HS3ST5: variants seen among roughly 807,000 people sequenced by gnomAD.
HS3ST5 encodes the protein heparan sulfate glucosamine 3-O-sulfotransferase 5.
A neutral mutation model predicts 25.4 loss-of-function variants in HS3ST5; 10 were observed. The observed-to-expected ratio is 0.39, with a 90% CI of 0.24 to 0.67. HS3ST5 has a LOEUF of 0.67. Ranked by LOEUF, HS3ST5 falls within the 30% of genes least tolerant of loss-of-function variation. The pLI is 0.44. For missense variants in HS3ST5, 324 were observed against 420.7 expected (o/e 0.77, Z 2.01); for synonymous variants, 170 against 162.4 (o/e 1.05, Z -0.36).
intron 1 of HS3ST5, among the ~76,000 whole-genome samples, chr6:114,318,798 T>C (rs1419066079): frequency 6.6e-6 from 1 of 152,232 alleles, no homozygotes; most frequent in Non-Finnish European, 1.5e-5. Flanking sequence ...CAAGTTGTTA[T>C]GAAGACTAAC....
chr6:114,220,087 T>G (rs532403811), intron 2 of HS3ST5, among the ~76,000 whole-genome samples: 1 of 152,058 alleles, frequency 6.6e-6, no homozygotes, highest in South Asian at 2.1e-4. Flanking sequence ...TTAAATTATA[T>G]TGGTTTAATA....
intron 3 of HS3ST5, among the ~76,000 whole-genome samples, chr6:114,071,622 A>C (rs1773831782): frequency 6.6e-6 from 1 of 152,208 alleles, no homozygotes; most frequent in Admixed American, 6.5e-5. Flanking sequence ...TAATTCAATC[A>C]GTTAGATGAA....
intron 1 of HS3ST5, among the ~76,000 whole-genome samples, chr6:114,300,353 C>T (rs183033332): frequency 2.6e-5 from 4 of 152,154 alleles, no homozygotes; most frequent in Non-Finnish European, 4.4e-5. Context: ...TTTGAATAGA[C>T]ATTTTCTCCA....
rs546430370 is a variant in HS3ST5 at position 114,308,243 on chromosome 6, T to A, written c.-339+33952A>T. On this transcript the variant is annotated intron_variant, in intron 1 of 4. Transcript: ENST00000312719. ...ATAAGTCTCTTAAACTTAATATTCT[T>A]GTACTTATTTGACCCTCCTACATAG... Among the ~76,000 whole-genome samples the A allele has an allele frequency of 2.0e-5, 3 of 152,336 alleles. No homozygotes were observed. In the South Asian group the frequency reaches 6.2e-4, roughly 32 times the overall value.
At chr6:114,062,921 G>A in intron 3 of HS3ST5, 44 bp from the exon 4 acceptor site, 2 of 1,173,504 alleles carry the variant, frequency 1.7e-6, no homozygotes, top group East Asian at 2.4e-5. Context: ...TAGAGGCTCT[G>A]TTGGTTGTCA....
chr6:114,244,178 G>A (rs1772275140), intron 1 of HS3ST5, among the ~76,000 whole-genome samples: 1 of 152,178 alleles, frequency 6.6e-6, no homozygotes, highest in Non-Finnish European at 1.5e-5. Flanking sequence ...TACAAGACTG[G>A]AAACTGTAGG....
chr6:114,312,568 A>T, intron 1 of HS3ST5, among the ~76,000 whole-genome samples: 1 of 152,196 alleles, frequency 6.6e-6, no homozygotes, highest in Non-Finnish European at 1.5e-5. Context: ...GGTCTTCAAA[A>T]GATATTAGAA....
intron 4 of HS3ST5, chr6:114,058,759 A>C (rs1772922757): frequency 6.5e-6 from 1 of 153,506 alleles, no homozygotes; most frequent in African/African-American, 2.4e-5. Flanking sequence ...TGAGATTTTC[A>C]TTCTGAGACT....
intron 3 of HS3ST5, among the ~76,000 whole-genome samples, chr6:114,102,780 T>A (rs1163415655): frequency 6.6e-6 from 1 of 152,180 alleles, no homozygotes; most frequent in African/African-American, 2.4e-5. Flanking sequence ...AAGTTTAAAA[T>A]CTGGCTTTTT....
At chr6:114,243,460 C>T (rs1455998287) in intron 1 of HS3ST5, among the ~76,000 whole-genome samples, 1 of 152,178 alleles carries the variant, frequency 6.6e-6, no homozygotes, top group East Asian at 1.9e-4. Flanking sequence ...TGGACAAATT[C>T]AACCTACAAG....
chr6:114,183,239 G>A (rs1780050273), intron 2 of HS3ST5, among the ~76,000 whole-genome samples: 1 of 152,126 alleles, frequency 6.6e-6, no homozygotes, highest in African/African-American at 2.4e-5. Context: ...CACAGTGGGA[G>A]CTAATTGAAC....
intron 2 of HS3ST5, among the ~76,000 whole-genome samples, chr6:114,214,132 A>G (rs761551560): frequency 1.3e-5 from 2 of 152,190 alleles, no homozygotes; most frequent in African/African-American, 2.4e-5. Flanking sequence ...CAAACATCCA[A>G]AGATAGTCAT....
intron 2 of HS3ST5, among the ~76,000 whole-genome samples, chr6:114,204,294 T>G (rs2114389618): frequency 6.6e-6 from 1 of 152,300 alleles, no homozygotes; most frequent in South Asian, 2.1e-4. Context: ...CTTCTTCAGT[T>G]CAGCATGTCA....
At chr6:114,329,164 C>A (rs138069409) in intron 1 of HS3ST5, among the ~76,000 whole-genome samples, 2 of 152,124 alleles carry the variant, frequency 1.3e-5, no homozygotes, top group African/African-American at 4.8e-5. Flanking sequence ...TAATTGCTGG[C>A]AAATTTGATT....
chr6:114,162,524 T>A (rs1158056239), intron 3 of HS3ST5, among the ~76,000 whole-genome samples: 1 of 152,196 alleles, frequency 6.6e-6, no homozygotes, highest in Non-Finnish European at 1.5e-5. Flanking sequence ...GCCAGATTAA[T>A]CTTTTTTAAA....
At chr6:114,238,258 T>C (rs574341181) in intron 1 of HS3ST5, among the ~76,000 whole-genome samples, 1 of 152,314 alleles carries the variant, frequency 6.6e-6, no homozygotes, top group Non-Finnish European at 1.5e-5. Flanking sequence ...TTGGTGGCTC[T>C]TGCTTTTCTA....
intron 1 of HS3ST5, among the ~76,000 whole-genome samples, chr6:114,339,477 T>TA (rs1296731979): frequency 1.7e-4 from 25 of 150,046 alleles, no homozygotes; most frequent in Admixed American, 1.6e-3. Context: ...ATTGCTTTTT[T>TA]AAAAAACGTT....
intron 3 of HS3ST5, among the ~76,000 whole-genome samples, chr6:114,096,219 G>A (rs143856992): frequency 9.5e-4 from 144 of 152,206 alleles, no homozygotes; most frequent in African/African-American, 3.3e-3. Flanking sequence ...CCTTGAGCCC[G>A]TCATCAAATC....
Position 114,202,994 on chromosome 6 carries a change from C to T in HS3ST5, c.-145+25591G>A, listed in dbSNP as rs1217216469. On this transcript the variant is annotated intron_variant, in intron 2 of 4. Coordinates refer to ENST00000312719, the MANE Select transcript of HS3ST5 (RefSeq NM_153612.4). ...AAAAACAGAATAGTTGAGGCATGGCCAACTCTCTTGTTTTGTAATCAGAAC... is the reference window on the plus strand; with the variant it reads ...AAAAACAGAATAGTTGAGGCATGGCTAACTCTCTTGTTTTGTAATCAGAAC... 2.6e-5 allele frequency among the ~76,000 whole-genome samples: 4 copies of T among 152,134 alleles called. No homozygotes were observed. In the East Asian group the frequency reaches 5.8e-4, roughly 22 times the overall value.
Sources: gnomAD v4.1 joint callset for allele counts (sites outside exome capture counted in the v4.1 genomes callset) on GRCh38, gnomAD v4.1.1 for gene constraint, MANE v1.5 for transcripts, NCBI Gene and HGNC (gene_info 2026-07-23, HGNC 2026-07-21) for gene names.